The following SHOX variants were observed in gnomAD, a reference collection of about 807,000 sequenced individuals.
SHOX encodes the protein short stature homeobox protein.
SHOX carries 12 observed loss-of-function variants against 29.6 expected under a neutral mutation model. That is an observed-to-expected ratio of 0.41 (90% confidence interval 0.26 to 0.66). The LOEUF is 0.66. Ranked by LOEUF, SHOX falls within the 30% of genes least tolerant of loss-of-function variation. The pLI is 0.35. For missense variants in SHOX, 499 were observed against 437.7 expected (o/e 1.14, Z -1.25); for synonymous variants, 214 against 200.6 (o/e 1.07, Z -0.57).
upstream of SHOX, chrX:630,543 C>G (rs963180695): frequency 9.3e-6 from 4 of 431,594 alleles, no homozygotes; most frequent in Non-Finnish European, 1.7e-5. Context: ...CGCCTGCGCC[C>G]CCCTCCTGCG....
At chrX:624,900 TTCTC>T (rs756371711) in intron 1 of SHOX, among the ~76,000 whole-genome samples, 12,094 of 79,610 alleles carry the variant, frequency 0.15, 1,019 homozygotes, top group Non-Finnish European at 0.19. Context: ...CTTTCTTTCT[TTCTC>T]TCTTCCTTTC....
upstream of SHOX, chrX:630,448 C>G (rs1297284213): frequency 4.5e-6 from 1 of 222,924 alleles, no homozygotes; most frequent in Non-Finnish European, 8.8e-6. Context: ...CTCCTTGTCT[C>G]TCTGTCTCTC....
At chrX:635,301 AT>A (rs2052725974) in intron 2 of SHOX, among the ~76,000 whole-genome samples, 2 of 151,696 alleles carry the variant, frequency 1.3e-5, no homozygotes, top group South Asian at 2.1e-4. Context: ...AAGATTTTTC[AT>A]TTAAAAAAAA....
In SHOX at chrX:650,805, A is replaced by AAAAC. The variant is rs1556473153; in HGVS notation, c.*6172_*6173insCAAA. The stretch of plus-strand genomic sequence containing the variant: ...CACGTTTGACATTAAAAAAAAAAAA[A>AAAAC]AAAAAAAAAAAAAACTGGTGCCTAA... On this transcript the variant is annotated 3_prime_UTR_variant, in exon 5 of 5. Transcript: ENST00000686671. Among the ~76,000 whole-genome samples, 1 of 146,114 alleles carries AAAAC rather than the reference A, an allele frequency of 6.8e-6. No homozygotes were observed. The highest frequency in any genetic ancestry group is 1.5e-5 in the Non-Finnish European group (1 of 66,324).
intron 2 of SHOX, 47 bp from the exon 3 acceptor site, chrX:640,774 G>C (rs753118713): frequency 1.0e-5 from 16 of 1,607,790 alleles, no homozygotes; most frequent in Non-Finnish European, 1.3e-5. Flanking sequence ...GGGGAGGCTG[G>C]GCTGGGTTCA....
At chrX:624,707 T>TTCTC (rs2052473026) in intron 1 of SHOX, 1 of 132,178 alleles carries the variant, frequency 7.6e-6, no homozygotes, top group Non-Finnish European at 1.6e-5. Flanking sequence ...TTTCTTTTCT[T>TTCTC]TCTTTCTTTC....
At chrX:634,991 C>A in intron 2 of SHOX, 165 bp downstream of exon 2, 1 of 210,486 alleles carries the variant, frequency 4.8e-6, no homozygotes, top group Non-Finnish European at 8.2e-6. Flanking sequence ...TTTGGAGACG[C>A]CTGAGGCCTG....
rs1041655715 is a variant in SHOX, at chrX:650,792, T to TAAAAAAAAAAAAA, written c.*6171_*6183dup. Among the ~76,000 whole-genome samples the TAAAAAAAAAAAAA allele has an allele frequency of 5.7e-4, 29 of 50,810 alleles. 1 individual carries two copies. The highest frequency in any genetic ancestry group is 1.2e-3 in the South Asian group (1 of 868). 33.3% of individuals were successfully genotyped at this position (50,810 alleles called of 152,430 possible). A position where few individuals can be genotyped will look rare whatever the true frequency, so the allele number is the denominator to read the frequency against. ...GGCTTTCGGTGGACACGTTTGACAT[T>TAAAAAAAAAAAAA]AAAAAAAAAAAAAAAAAAAAAAAAA... On this transcript the variant is annotated 3_prime_UTR_variant, in exon 5 of 5. Transcript: ENST00000686671.
intron 4 of SHOX, among the ~76,000 whole-genome samples, chrX:642,166 G>A (rs1245857240): frequency 6.6e-6 from 1 of 152,172 alleles, no homozygotes; most frequent in African/African-American, 2.4e-5. Flanking sequence ...GGAGGTGAAG[G>A]GTCACAGGAG....
chrX:658,706 A>C, intron 5 of SHOX: 1 of 286,438 alleles, frequency 3.5e-6, no homozygotes, highest in South Asian at 3.2e-5. Flanking sequence ...TCCTGACCTC[A>C]TGATCCGTCC....
At position 645,388 on chromosome X, in the gene SHOX, G is replaced by GTTTTTTTTTTTTTTTTTTTTTTTTTT. The variant is rs1398738646; in HGVS notation, c.*753_*754insTTTTTTTTTTTTTTTTTTTTTTTTTT. On this transcript the variant is annotated 3_prime_UTR_variant, in exon 5 of 5. Transcript: ENST00000686671. ...TTGGGTCTGGTTTTGTTTTGGATTG[G>GTTTTTTTTTTTTTTTTTTTTTTTTTT]TATTTTTTTTTTTTTTTTTTTTTTT... 2 of 77,748 alleles carry GTTTTTTTTTTTTTTTTTTTTTTTTTT rather than the reference G, an allele frequency of 2.6e-5. No homozygotes were observed. Among genetic ancestry groups the GTTTTTTTTTTTTTTTTTTTTTTTTTT allele is most frequent in the African/African-American group, 8.2e-5 (2 of 24,340 alleles). 4.8% of individuals were successfully genotyped at this position (77,748 alleles called of 1,614,324 possible).
chrX:638,685 C>T (rs1015651038), intron 2 of SHOX, among the ~76,000 whole-genome samples: 2 of 152,206 alleles, frequency 1.3e-5, no homozygotes, highest in Non-Finnish European at 2.9e-5. Flanking sequence ...TCACGTTGCG[C>T]TGTGTAGACT....
chrX:630,961 G>A lies in SHOX; in HGVS notation c.64G>A (p.Gly22Arg), dbSNP rs1249317193. Residue 22 changes from glycine (G) to arginine (R), a missense_variant, in exon 1 of 5, where the codon GGA (glycine) becomes AGA (arginine). Physicochemically the swap from Gly to Arg is moderately radical, Grantham distance 125. Transcript: ENST00000686671. ...FDQKSKDGNG[G>R]GGGGGGKKDS... ...CCAGAAAAGCAAGGACGGTAACGGC[G>A]GAGGCGGAGGCGGCGGAGGTAAGAA... is the stretch of plus-strand genomic sequence containing the variant. 10 of 1,613,210 alleles carry A rather than the reference G, an allele frequency of 6.2e-6. No homozygotes were observed. In the South Asian group the frequency reaches 8.8e-5, roughly 14 times the overall value.
Position 651,215 on chromosome X carries a change from T to C in SHOX, c.*6579T>C, listed in dbSNP as rs1300652267. The C allele has an allele frequency of 9.3e-6, 4 of 431,912 alleles. No homozygotes were observed. The highest frequency in any genetic ancestry group is 5.0e-5 in the South Asian group (3 of 59,932). 26.8% of individuals were successfully genotyped at this position (431,912 alleles called of 1,614,324 possible). A position where few individuals can be genotyped will look rare whatever the true frequency, so the allele number is the denominator to read the frequency against. On this transcript the variant is annotated 3_prime_UTR_variant, in exon 5 of 5. Transcript: ENST00000686671. ...TTTTATATTTCTGAAAACTGTTGCT[T>C]TTTCTTTTTCCCTCCCCCATTGACG...
intron 2 of SHOX, among the ~76,000 whole-genome samples, chrX:635,135 C>T (rs1288044317): frequency 1.3e-5 from 2 of 151,986 alleles, no homozygotes; most frequent in Non-Finnish European, 2.9e-5. Context: ...TTTGTTCGTC[C>T]TTGGTGCAAA....
At chrX:642,344 C>A (rs1327222124) in intron 4 of SHOX, among the ~76,000 whole-genome samples, 7 of 152,084 alleles carry the variant, frequency 4.6e-5, no homozygotes, top group South Asian at 2.1e-4. Context: ...CTCCCTTCTT[C>A]ACCGTTTTAT....
rs948213720 is a variant in SHOX at position 649,573 on chromosome X, G to C, written c.*4937G>C. On this transcript the variant is annotated 3_prime_UTR_variant, in exon 5 of 5. Coordinates refer to ENST00000686671, the MANE Select transcript of SHOX (RefSeq NM_000451.4). ...AAAACAAGGTTCTTTTGAAAGTCAC[G>C]TTCCTGCTTTCCCTGTGGCTTCCCG... 2.0e-5 allele frequency among the ~76,000 whole-genome samples: 3 copies of C among 152,174 alleles called. No individual in the cohort carries two copies. The highest frequency in any genetic ancestry group is 6.5e-5 in the Admixed American group (1 of 15,274).
Position 644,663 on chromosome X carries a change from G to A in SHOX, c.*27G>A, listed in dbSNP as rs995362972. On this transcript the variant is annotated 3_prime_UTR_variant, in exon 5 of 5. Coordinates refer to ENST00000686671, the MANE Select transcript of SHOX (RefSeq NM_000451.4). ...CCGCCGCGCAGCCCCCCGCGCGCCC[G>A]GACTCCCGGGCTCCGCGCACCCCGC... 16 of 1,426,148 alleles carry A rather than the reference G, an allele frequency of 1.1e-5. No individual in the cohort carries two copies. The highest frequency in any genetic ancestry group is 2.5e-4 in the Middle Eastern group (1 of 3,958). 88.3% of individuals were successfully genotyped at this position (1,426,148 alleles called of 1,614,324 possible).
intron 4 of SHOX, among the ~76,000 whole-genome samples, chrX:642,038 T>A (rs978043503): frequency 1.6e-4 from 24 of 152,290 alleles, no homozygotes; most frequent in Non-Finnish European, 2.9e-4. Flanking sequence ...CAGCGTGGAT[T>A]TGGGGCTTCC....
Sources: allele counts gnomAD v4.1 joint callset (sites outside exome capture counted in the v4.1 genomes callset), GRCh38; gene constraint gnomAD v4.1.1; transcripts MANE v1.5; gene names NCBI Gene and HGNC (gene_info 2026-07-23, HGNC 2026-07-21).